The following ROBO1 variants were observed in gnomAD, a reference collection of about 807,000 sequenced individuals.
ROBO1 encodes roundabout guidance receptor 1.
A neutral mutation model predicts 195.9 loss-of-function variants in ROBO1; 149 were observed. The observed-to-expected ratio is 0.76, with a 90% CI of 0.67 to 0.87. The LOEUF is 0.87. Ranked by LOEUF, ROBO1 falls within the 40% of genes least tolerant of loss-of-function variation. The probability of loss-of-function intolerance (pLI) is 0.00; values close to 1 mark genes in which losing one functional copy is unlikely to be tolerated. For synonymous variants in ROBO1, 816 were observed against 733.2 expected, an observed-to-expected ratio of 1.11 and a Z score of -1.82; for missense variants, 1,933 against 2,068.3, an observed-to-expected ratio of 0.93 and a Z score of 1.27.
chr3:79,513,384 A>T lies in ROBO1; in HGVS notation c.88+76440T>A, dbSNP rs535845982. Among the ~76,000 whole-genome samples the T allele has an allele frequency of 2.0e-5, 3 of 152,224 alleles. No homozygotes were observed. In the South Asian group the frequency reaches 6.2e-4, roughly 32 times the overall value. The stretch of plus-strand genomic sequence containing the variant: ...AAATAATATGCTCAACCATATTTTT[A>T]AAAAGCAATCTTTATGTTCCAAGGA... On this transcript the variant is annotated intron_variant, in intron 2 of 30. Coordinates refer to ENST00000464233, the MANE Select transcript of ROBO1 (RefSeq NM_002941.4).
chr3:79,358,107 C>T (rs987129932), intron 2 of ROBO1, among the ~76,000 whole-genome samples: 1 of 152,014 alleles, frequency 6.6e-6, no homozygotes, highest in African/African-American at 2.4e-5. Context: ...ACTTACATAG[C>T]TATGTGACAT....
At chr3:79,018,462 T>C (rs1407459696) in intron 3 of ROBO1, 1 of 1,613,720 alleles carries the variant, frequency 6.2e-7, no homozygotes. Context: ...CCGCAATCAT[T>C]GTCCTCGGGT....
At chr3:79,065,319 C>T (rs1434947679) in intron 3 of ROBO1, among the ~76,000 whole-genome samples, 2 of 151,692 alleles carry the variant, frequency 1.3e-5, no homozygotes, top group African/African-American at 2.4e-5. Context: ...AGAGAGGAGA[C>T]ACAGGTGTAA....
At chr3:79,059,505 AAG>A (rs1249646076) in intron 3 of ROBO1, among the ~76,000 whole-genome samples, 1 of 152,072 alleles carries the variant, frequency 6.6e-6, no homozygotes, top group Non-Finnish European at 1.5e-5. Flanking sequence ...TATAAAAGGA[AAG>A]AGAGCGATGT....
At chr3:79,652,875 C>T (rs1004500794) in intron 1 of ROBO1, among the ~76,000 whole-genome samples, 5 of 151,960 alleles carry the variant, frequency 3.3e-5, no homozygotes, top group African/African-American at 9.6e-5. Context: ...TTGAAATATT[C>T]TATTTCAAAT....
At chr3:79,322,842 A>G (rs957321338) in intron 2 of ROBO1, among the ~76,000 whole-genome samples, 1 of 152,224 alleles carries the variant, frequency 6.6e-6, no homozygotes, top group African/African-American at 2.4e-5. Flanking sequence ...TTCTTGTTTT[A>G]TAGCACTTCC....
At chr3:79,548,751 C>T (rs934928281) in intron 2 of ROBO1, among the ~76,000 whole-genome samples, 1 of 152,114 alleles carries the variant, frequency 6.6e-6, no homozygotes, top group African/African-American at 2.4e-5. Context: ...GTAGTTGCTC[C>T]TGAGTATGAG....
rs550569972 is a variant in ROBO1 at position 79,427,807 on chromosome 3, T to C, written c.88+162017A>G. On this transcript the variant is annotated intron_variant, in intron 2 of 30. Coordinates refer to ENST00000464233, the MANE Select transcript of ROBO1 (RefSeq NM_002941.4). ...AAATCACATCAAAATGGATTAAACATTTAAATTTAACACTTCAAACTATGA... is the reference window on the plus strand; with the variant it reads ...AAATCACATCAAAATGGATTAAACACTTAAATTTAACACTTCAAACTATGA... Among the ~76,000 whole-genome samples, 73 of 152,188 alleles carry C rather than the reference T, an allele frequency of 4.8e-4. No homozygotes were observed. In the South Asian group the frequency reaches 0.015, roughly 30 times the overall value.
At chr3:79,560,804 TGCTTC>T (rs1942890602) in intron 2 of ROBO1, among the ~76,000 whole-genome samples, 1 of 152,026 alleles carries the variant, frequency 6.6e-6, no homozygotes, top group African/African-American at 2.4e-5. Context: ...AAAAACTAAG[TGCTTC>T]GCTATTATGT....
intron 2 of ROBO1, among the ~76,000 whole-genome samples, chr3:79,262,287 T>G (rs1250392093): frequency 6.6e-6 from 1 of 152,100 alleles, no homozygotes; most frequent in African/African-American, 2.4e-5. Flanking sequence ...GCTCTTCACT[T>G]TGGCTTCACT....
At chr3:78,903,592 C>G (rs1008783853) in intron 4 of ROBO1, among the ~76,000 whole-genome samples, 1 of 151,530 alleles carries the variant, frequency 6.6e-6, no homozygotes, top group African/African-American at 2.4e-5. Flanking sequence ...TTGCTGCTCT[C>G]CTGATATTAG....
intron 2 of ROBO1, among the ~76,000 whole-genome samples, chr3:79,169,495 A>G (rs181790207): frequency 1.1e-3 from 168 of 152,222 alleles, no homozygotes; most frequent in African/African-American, 3.2e-3. Flanking sequence ...GGGCAGAAGA[A>G]TTTTCAAATG....
chr3:79,429,585 G>A (rs780685954), intron 2 of ROBO1, among the ~76,000 whole-genome samples: 7 of 152,202 alleles, frequency 4.6e-5, no homozygotes, highest in Admixed American at 1.3e-4. Context: ...CTGATTAACT[G>A]GCACTGAGCT....
chr3:79,215,233 G>C (rs2082034396), intron 2 of ROBO1, among the ~76,000 whole-genome samples: 1 of 152,058 alleles, frequency 6.6e-6, no homozygotes, highest in Non-Finnish European at 1.5e-5. Context: ...ATAAGTCTCA[G>C]TGTTAAATCA....
chr3:79,030,829 C>A (rs543207839), intron 3 of ROBO1, among the ~76,000 whole-genome samples: 1 of 152,274 alleles, frequency 6.6e-6, no homozygotes, highest in African/African-American at 2.4e-5. Context: ...TCAAGCAATT[C>A]TCCTGCCTCA....
chr3:79,499,688 T>A (rs778357409), intron 2 of ROBO1, among the ~76,000 whole-genome samples: 2 of 152,174 alleles, frequency 1.3e-5, no homozygotes, highest in Non-Finnish European at 2.9e-5. Context: ...GTAATGTGAG[T>A]TTTGTCATTG....
chr3:79,406,234 G>A (rs2106817557), intron 2 of ROBO1, among the ~76,000 whole-genome samples: 1 of 144,802 alleles, frequency 6.9e-6, no homozygotes, highest in East Asian at 2.1e-4. Flanking sequence ...TGGGAACATA[G>A]TGGAACCCAA....
At chr3:78,927,326 C>T (rs2039278689) in intron 4 of ROBO1, among the ~76,000 whole-genome samples, 1 of 152,206 alleles carries the variant, frequency 6.6e-6, no homozygotes, top group Non-Finnish European at 1.5e-5. Flanking sequence ...GACAACCACA[C>T]ATCCAAACCT....
At chr3:78,766,416 T>C (rs777721317) in intron 4 of ROBO1, among the ~76,000 whole-genome samples, 6 of 152,172 alleles carry the variant, frequency 3.9e-5, no homozygotes, top group Non-Finnish European at 7.4e-5. Context: ...CACATAAAGC[T>C]TGGTCGCTGT....
Sources: gnomAD v4.1 joint callset for allele counts (sites outside exome capture counted in the v4.1 genomes callset) on GRCh38, gnomAD v4.1.1 for gene constraint, MANE v1.5 for transcripts, NCBI Gene and HGNC (gene_info 2026-07-23, HGNC 2026-07-21) for gene names.